Variants in SPEG observed in about 807,000 individuals in gnomAD.
SPEG encodes the protein striated muscle preferentially expressed protein kinase.
SPEG carries 114 observed loss-of-function variants against 300.4 expected under a neutral mutation model. The ratio of observed to expected loss-of-function variants is 0.38; its 90% CI spans 0.33 to 0.44. The LOEUF is 0.44. Ranked by LOEUF, SPEG falls within the 20% of genes least tolerant of loss-of-function variation. The pLI is 1.00. For synonymous variants in SPEG, 1,964 were observed against 2,018.9 expected (o/e 0.97, Z 0.73); for missense variants, 4,201 against 4,586.2 (o/e 0.92, Z 2.43).
chr2:219,448,616 G>A lies in SPEG; in HGVS notation c.1458G>A (p.Pro486=), dbSNP rs1290885158. ...SLDERTRQRS[P]ASDLELRFAQ... ...ACGAGCGCACGCGTCAGCGCAGCCC[G>A]GCCTCAGACCTCGAGCTGCGCTTCG... The change falls in exon 4 of 41, where the codon CCG becomes CCA. Residue 486 remains proline, a synonymous_variant. Coordinates refer to ENST00000312358, the MANE Select transcript of SPEG (RefSeq NM_005876.5). The A allele has an allele frequency of 1.4e-6, 2 of 1,476,784 alleles. No individual in the cohort carries two copies. Among genetic ancestry groups the A allele is most frequent in the Admixed American group, 4.7e-5 (2 of 42,496 alleles). 91.5% of individuals were successfully genotyped at this position (1,476,784 alleles called of 1,614,324 possible).
Position 219,483,372 on chromosome 2 carries a change from C to G in SPEG, c.5909C>G (p.Pro1970Arg), listed in dbSNP as rs1323611037. Residue 1970 changes from proline to arginine, a missense_variant, in exon 30 of 41, where the codon CCC (proline) becomes CGC (arginine). Pro to Arg is a moderately radical substitution (Grantham distance 103). Transcript: ENST00000312358. ...ACCCCAGAGACTGGGGCTGCCACCC[C>G]CATGGACTGGCAGGAGCAGGGAAGG... ...LGTPETGAATPMDWQEQGRAP... is the reference protein window; with the variant it reads ...LGTPETGAATRMDWQEQGRAP... 1 of 1,604,642 alleles carries G rather than the reference C, an allele frequency of 6.2e-7. No individual in the cohort carries two copies. The highest frequency in any genetic ancestry group is 1.7e-5 in the Admixed American group (1 of 59,292).
intron 3 of SPEG, among the ~76,000 whole-genome samples, chr2:219,447,717 G>C (rs1177138442): frequency 1.3e-5 from 2 of 151,938 alleles, no homozygotes; most frequent in Admixed American, 6.5e-5. Flanking sequence ...GAGGAGGCTG[G>C]CCCGAGTCCT....
At position 219,453,896 on chromosome 2, in the gene SPEG, AG is replaced by A. The variant is rs535016065; in HGVS notation, c.2440+2093del. 3.3e-5 allele frequency among the ~76,000 whole-genome samples: 5 copies of A among 150,330 alleles called. No homozygotes were observed. In the South Asian group the frequency reaches 6.5e-4, roughly 19 times the overall value. On this transcript the variant is annotated intron_variant, in intron 6 of 40. Coordinates refer to ENST00000312358, the MANE Select transcript of SPEG (RefSeq NM_005876.5). The stretch of plus-strand genomic sequence containing the variant: ...CTGGGGATGGCACAGACATCTGGCA[AG>A]GGGTGGTCCCAGGCCTGGAGTCTGC...
intron 18 of SPEG, 24 bp from the exon 19 acceptor site, chr2:219,476,846 C>T (rs1349413818): frequency 6.3e-7 from 1 of 1,591,204 alleles, no homozygotes; most frequent in Non-Finnish European, 8.6e-7. Flanking sequence ...CTTCTCTTCC[C>T]ACCCCTATCC....
At chr2:219,475,320 A>T (rs766257439) in intron 18 of SPEG, among the ~76,000 whole-genome samples, 2 of 152,202 alleles carry the variant, frequency 1.3e-5, no homozygotes, top group African/African-American at 2.4e-5. Flanking sequence ...CAATCTTATC[A>T]TGGGTAAATG....
chr2:219,435,221 C>G lies in SPEG; in HGVS notation c.244C>G (p.Leu82Val). ...CCTCCGCTGGTTCCGGGATGGGCAG[C>G]TCCTGCCCGCGCCGGCCCCCGAGCC... The part of the protein sequence containing the change: ...PSLRWFRDGQ[L>V]LPAPAPEPSC... Residue 82 changes from leucine to valine, a missense_variant, in exon 1 of 41, where the codon CTC (leucine) becomes GTC (valine). This residue lies in a region of SPEG where 1,258 missense variants were observed against 1,293.9 expected (regional missense o/e 0.97). Coordinates refer to ENST00000312358, the MANE Select transcript of SPEG (RefSeq NM_005876.5). 2 of 1,479,650 alleles carry G rather than the reference C, an allele frequency of 1.4e-6. No individual in the cohort carries two copies. Among genetic ancestry groups the G allele is most frequent in the Non-Finnish European group, 1.8e-6 (2 of 1,124,962 alleles). The allele number at this position is 1,479,650 out of a possible 1,614,324, so 91.7% of individuals were successfully genotyped here.
At chr2:219,467,109 G>C in intron 9 of SPEG, 65 bp from the exon 10 acceptor site, 1 of 1,495,224 alleles carries the variant, frequency 6.7e-7, no homozygotes, top group Non-Finnish European at 8.9e-7. Context: ...GCGTGCGTAT[G>C]TGTGTCTCCC....
chr2:219,491,949 C>T, intron 39 of SPEG, 80 bp downstream of exon 39: 3 of 1,383,988 alleles, frequency 2.2e-6, no homozygotes, highest in Admixed American at 2.1e-5. Context: ...ACACCCTCTC[C>T]CCCGTGCCCC....
In SPEG at chr2:219,480,665, C is replaced by T. The variant is rs755771542; in HGVS notation, c.5343-6C>T. 6.2e-7 allele frequency: 1 copy of T among 1,613,964 alleles called. No homozygotes were observed. The highest frequency in any genetic ancestry group is 8.5e-7 in the Non-Finnish European group (1 of 1,179,896). ...CCTCTTACCTATCACTCTCCTTTTC[C>T]CACAGGCCTGTGGGTGTTGTTGCCT... On this transcript the variant is annotated splice_region_variant and splice_polypyrimidine_tract_variant and intron_variant, in intron 25 of 40. Transcript: ENST00000312358. The surrounding 1 kb of genome is among the most constrained non-coding windows in gnomAD (Gnocchi z 5.3).
intron 8 of SPEG, among the ~76,000 whole-genome samples, chr2:219,463,715 ATT>A (rs113667360): frequency 6.8e-6 from 1 of 147,334 alleles, no homozygotes; most frequent in African/African-American, 2.5e-5. Context: ...CCCCACTGTG[ATT>A]TTTTTTTTTA....
Position 219,467,391 on chromosome 2 carries a change from G to A in SPEG, c.3099G>A (p.Glu1033=). The A allele has an allele frequency of 6.2e-7, 1 of 1,611,874 alleles. No individual in the cohort carries two copies. Among genetic ancestry groups the A allele is most frequent in the Non-Finnish European group, 8.5e-7 (1 of 1,179,640 alleles). The change falls in exon 10 of 41, where the codon GAG becomes GAA. Residue 1033 remains glutamate, a synonymous_variant. Coordinates refer to ENST00000312358, the MANE Select transcript of SPEG (RefSeq NM_005876.5). ...KCKLLLTSVH[E]DDSGVYTCKL... is the part of the protein sequence containing the mutation. ...AGCTGCTACTTACATCTGTACATGA[G>A]GACGACAGTGGCGTCTACACCTGCA...
Position 219,472,926 on chromosome 2 carries a change from T to A in SPEG, c.3977T>A (p.Val1326Glu). The change falls in exon 16 of 41, where the codon GTG (valine) becomes GAG (glutamate). Residue 1326 changes from valine (V) to glutamate (E), a missense_variant. Transcript: ENST00000312358. Reference protein sequence around the residue: ...DSLTYTVQHQVLGSDQWTALV... With the variant: ...DSLTYTVQHQELGSDQWTALV... ...CTGACGTACACAGTGCAGCACCAGG[T>A]GCTGGGCTCGGACCAGTGGACGGCA... is the stretch of plus-strand genomic sequence containing the variant. 1 of 1,612,952 alleles carries A rather than the reference T, an allele frequency of 6.2e-7. No homozygotes were observed. The highest frequency in any genetic ancestry group is 8.5e-7 in the Non-Finnish European group (1 of 1,179,436).
In SPEG at chr2:219,481,420, G is replaced by C; in HGVS notation, c.5486G>C (p.Arg1829Pro). 1 of 1,614,126 alleles carries C rather than the reference G, an allele frequency of 6.2e-7. No individual in the cohort carries two copies. The highest frequency in any genetic ancestry group is 8.5e-7 in the Non-Finnish European group (1 of 1,180,012). The change falls in exon 27 of 41, where the codon CGG becomes CCG. Residue 1829 changes from arginine to proline, a missense_variant. Arg to Pro is a moderately radical substitution (Grantham distance 103). Coordinates refer to ENST00000312358, the MANE Select transcript of SPEG (RefSeq NM_005876.5). The surrounding 1 kb of genome is among the most constrained non-coding windows in gnomAD (Gnocchi z 5.4). ...TTFLSLSREA[R>P]GFLIKVLVQD... is the part of the protein sequence containing the mutation. ...TTCCTGAGCCTGAGCAGGGAGGCCC[G>C]GGGCTTCCTCATCAAAGTGTTGGTG...
Position 219,484,300 on chromosome 2 carries a change from T to C in SPEG, c.6837T>C (p.Phe2279=). The change falls in exon 30 of 41, where the codon TTT becomes TTC. Residue 2279 remains phenylalanine (F), a synonymous_variant. Coordinates refer to ENST00000312358, the MANE Select transcript of SPEG (RefSeq NM_005876.5). ...PSEPKPHAAV[F]ARVASPPPGA... ...AGCCCAAGCCCCACGCTGCTGTCTT[T>C]GCCAGGGTGGCCTCCCCACCTCCGG... The C allele has an allele frequency of 6.2e-7, 1 of 1,606,410 alleles. No individual in the cohort carries two copies. Among genetic ancestry groups the C allele is most frequent in the Non-Finnish European group, 8.5e-7 (1 of 1,179,144 alleles).
Position 219,473,756 on chromosome 2 carries a change from G to A in SPEG, c.4300G>A (p.Ala1434Thr). 6.2e-7 allele frequency: 1 copy of A among 1,613,960 alleles called. No homozygotes were observed. The highest frequency in any genetic ancestry group is 8.5e-7 in the Non-Finnish European group (1 of 1,179,960). ...CCGAGGGGCCCTCCTAGAGGCACGGGCCGGTGTGTACGAGCTGAGCCAGCC... is the reference window on the plus strand; with the variant it reads ...CCGAGGGGCCCTCCTAGAGGCACGGACCGGTGTGTACGAGCTGAGCCAGCC... ...SCRGALLEAR[A>T]GVYELSQPDD... is the part of the protein sequence containing the mutation. The change falls in exon 18 of 41, where the codon GCC (alanine) becomes ACC (threonine). Residue 1434 changes from alanine to threonine, a missense_variant. By Grantham distance (58) the Ala-to-Thr change is moderately conservative. This residue lies in a region of SPEG where 1,047 missense variants were observed against 1,356.8 expected (regional missense o/e 0.77). Coordinates refer to ENST00000312358, the MANE Select transcript of SPEG (RefSeq NM_005876.5). The surrounding 1 kb of genome is among the most constrained non-coding windows in gnomAD (Gnocchi z 4.6).
At chr2:219,468,830 C>T in intron 11 of SPEG, 29 bp from the exon 12 acceptor site, 1 of 1,608,396 alleles carries the variant, frequency 6.2e-7, no homozygotes, top group Non-Finnish European at 8.5e-7. Context: ...ACTGTGCCTG[C>T]TCTGCATTCC....
At chr2:219,462,747 C>G (rs530470521) in intron 8 of SPEG, among the ~76,000 whole-genome samples, 1 of 152,328 alleles carries the variant, frequency 6.6e-6, no homozygotes, top group South Asian at 2.1e-4. Context: ...GAAGCCCTGT[C>G]TCTACTAAAA....
rs768497312 is a variant in SPEG at position 219,484,134 on chromosome 2, G to A, written c.6671G>A (p.Arg2224Gln). 5.6e-6 allele frequency: 9 copies of A among 1,613,148 alleles called. No individual in the cohort carries two copies. Among genetic ancestry groups the A allele is most frequent in the Non-Finnish European group, 6.8e-6 (8 of 1,179,940 alleles). The change falls in exon 30 of 41, where the codon CGA becomes CAA. Residue 2224 changes from arginine (R) to glutamine (Q), a missense_variant. By Grantham distance (43) the Arg-to-Gln change is conservative. Around this residue, in one of 4 missense-constraint regions of SPEG, gnomAD observed 1,578 missense variants for 1,506.0 expected, o/e 1.05. Transcript: ENST00000312358. ...KAPEPRPEPV[R>Q]ASKPAPPPQA... ...CCAGAGCCCAGGCCAGAACCAGTCC[G>A]AGCCTCCAAGCCTGCACCACCCCCC...
intron 8 of SPEG, 132 bp downstream of exon 8, chr2:219,462,518 A>G (rs1690817795): frequency 7.2e-6 from 5 of 697,876 alleles, no homozygotes; most frequent in South Asian, 1.8e-5. Flanking sequence ...GCCTCATCTC[A>G]GGGACAGCAG....
Sources: allele counts gnomAD v4.1 joint callset (sites outside exome capture counted in the v4.1 genomes callset), GRCh38; gene constraint gnomAD v4.1.1; regional missense constraint gnomAD v4.1.1; non-coding constraint Gnocchi (gnomAD v3.1); transcripts MANE v1.5; gene names NCBI Gene and HGNC (gene_info 2026-07-23, HGNC 2026-07-21).